TENM3: variants seen among roughly 807,000 people sequenced by gnomAD.
TENM3 encodes the protein teneurin transmembrane protein 3, also known as teneurin-3.
Under a neutral mutation model 255.1 loss-of-function variants are expected in TENM3, and 63 were observed. The observed-to-expected ratio is 0.25, with a 90% CI of 0.20 to 0.30. The LOEUF (loss-of-function observed/expected upper bound fraction) is 0.30, where lower values mean the gene tolerates loss of function less well. Among genes scored for constraint, TENM3 ranks in the 10% least tolerant of loss-of-function variants. The pLI is 1.00. For missense variants in TENM3, 2,929 were observed against 3,461.1 expected (o/e 0.85, Z 3.86); for synonymous variants, 1,306 against 1,322.3 (o/e 0.99, Z 0.27).
At chr4:181,748,338 C>T in the TENM3 span, among the ~76,000 whole-genome samples, 4 of 152,026 alleles carry the variant, frequency 2.6e-5, no homozygotes, top group African/African-American at 9.7e-5. Context: ...TCTTCTTGTA[C>T]AGACCCTGAA....
the TENM3 span, among the ~76,000 whole-genome samples, chr4:181,942,153 A>C: frequency 6.6e-6 from 1 of 152,032 alleles, no homozygotes; most frequent in Non-Finnish European, 1.5e-5. Context: ...CTGCGTGCCA[A>C]CTGGCACCAA....
the TENM3 span, among the ~76,000 whole-genome samples, chr4:181,549,690 G>A: frequency 1.3e-5 from 2 of 152,040 alleles, no homozygotes; most frequent in Non-Finnish European, 1.5e-5. Flanking sequence ...CACATAATAG[G>A]CTCTAAGTGA....
chr4:182,780,897 G>C (rs59649719), intron 24 of TENM3, among the ~76,000 whole-genome samples: 7,845 of 143,940 alleles, frequency 0.055, 928 homozygotes, highest in African/African-American at 0.22. Context: ...GATTTTTGTA[G>C]ATTGATTTTG....
At chr4:182,434,658 C>A (rs950325765) in intron 3 of TENM3, among the ~76,000 whole-genome samples, 27 of 151,236 alleles carry the variant, frequency 1.8e-4, no homozygotes, top group Admixed American at 1.2e-3. Context: ...AAAAAAAAAA[C>A]CGTATATTGG....
intron 10 of TENM3, 88 bp downstream of exon 10, chr4:182,680,825 T>C: frequency 1.9e-6 from 2 of 1,036,198 alleles, no homozygotes; most frequent in Non-Finnish European, 2.6e-6. Flanking sequence ...CAGATCTCTT[T>C]TATACGCTTC....
chr4:182,494,956 G>A (rs945410592), intron 3 of TENM3, among the ~76,000 whole-genome samples: 12 of 152,180 alleles, frequency 7.9e-5, no homozygotes, highest in African/African-American at 2.9e-4. Flanking sequence ...TAGTGCAGTA[G>A]CACCAAGTGG....
At chr4:182,467,499 T>C (rs1172730943) in intron 3 of TENM3, among the ~76,000 whole-genome samples, 1 of 152,190 alleles carries the variant, frequency 6.6e-6, no homozygotes, top group Non-Finnish European at 1.5e-5. Flanking sequence ...GCCAGGAATT[T>C]CAAGAGGTTT....
chr4:182,070,251 T>A, the TENM3 span, among the ~76,000 whole-genome samples: 105 of 152,122 alleles, frequency 6.9e-4, no homozygotes, highest in Non-Finnish European at 1.3e-3. Context: ...AAAAAGCATC[T>A]TACTTATTTT....
At chr4:182,637,707 A>G (rs930942825) in intron 5 of TENM3, among the ~76,000 whole-genome samples, 7 of 152,248 alleles carry the variant, frequency 4.6e-5, no homozygotes, top group East Asian at 1.9e-4. Flanking sequence ...GTGAAAATAC[A>G]GTCCTTGCCT....
At chr4:182,321,667 C>T (rs926172409) in intron 1 of TENM3, among the ~76,000 whole-genome samples, 12 of 149,856 alleles carry the variant, frequency 8.0e-5, no homozygotes, top group Admixed American at 4.0e-4. Context: ...TTCTCTTGGC[C>T]GGGAGTGGTG....
At chr4:182,219,115 G>C (rs1839435) in intron 1 of TENM3, among the ~76,000 whole-genome samples, 2 of 152,072 alleles carry the variant, frequency 1.3e-5, no homozygotes, top group East Asian at 1.9e-4. Context: ...TCAGCTACTC[G>C]GGAGGCTGAG....
chr4:182,051,354 A>AT, the TENM3 span, among the ~76,000 whole-genome samples: 1 of 149,220 alleles, frequency 6.7e-6, no homozygotes, highest in Non-Finnish European at 1.5e-5. Flanking sequence ...AAAAAAAAAA[A>AT]GCAAATGAAG....
At chr4:182,762,837 G>A (rs1161374245) in intron 22 of TENM3, among the ~76,000 whole-genome samples, 3 of 152,118 alleles carry the variant, frequency 2.0e-5, no homozygotes, top group African/African-American at 7.2e-5. Flanking sequence ...CATGCTTCAA[G>A]TCACCCTAAC....
At chr4:181,559,054 A>G in the TENM3 span, among the ~76,000 whole-genome samples, 1 of 152,008 alleles carries the variant, frequency 6.6e-6, no homozygotes, top group Admixed American at 6.6e-5. Context: ...AAATCCTTCA[A>G]ATGTGAAGGA....
At chr4:181,959,792 G>A in the TENM3 span, among the ~76,000 whole-genome samples, 8,119 of 152,238 alleles carry the variant, frequency 0.053, 315 homozygotes, top group Non-Finnish European at 0.077. Flanking sequence ...AGAAATATAT[G>A]GAGTTTTGGC....
intron 3 of TENM3, among the ~76,000 whole-genome samples, chr4:182,522,656 G>A (rs1033152370): frequency 2.6e-5 from 4 of 152,150 alleles, no homozygotes; most frequent in Non-Finnish European, 4.4e-5. Flanking sequence ...CATAGGTTAC[G>A]TAGGTAGACA....
chr4:182,025,053 G>T, the TENM3 span, among the ~76,000 whole-genome samples: 2 of 119,528 alleles, frequency 1.7e-5, no homozygotes, highest in South Asian at 2.5e-4. Context: ...TTTTGAGATG[G>T]AGTCTTGCTT....
chr4:182,724,029 C>T (rs997042955), intron 13 of TENM3, among the ~76,000 whole-genome samples: 7 of 152,200 alleles, frequency 4.6e-5, no homozygotes, highest in African/African-American at 1.2e-4. Flanking sequence ...ACAGACTGAG[C>T]GGAGGGAAGC....
the TENM3 span, among the ~76,000 whole-genome samples, chr4:181,742,492 T>C: frequency 6.6e-6 from 1 of 152,198 alleles, no homozygotes; most frequent in South Asian, 2.1e-4. Context: ...AAACGAATTT[T>C]TTAAAAAAGA....
Sources: allele counts gnomAD v4.1 joint callset (sites outside exome capture counted in the v4.1 genomes callset), GRCh38; gene constraint gnomAD v4.1.1; transcripts MANE v1.5; gene names NCBI Gene and HGNC (gene_info 2026-07-23, HGNC 2026-07-21).